Variants in HDAC9 observed in about 807,000 individuals in gnomAD.
The protein encoded by HDAC9 is histone deacetylase 9, also known as MEF-2 interacting transcription repressor (MITR) protein.
A neutral mutation model predicts 139.4 loss-of-function variants in HDAC9; 41 were observed. The ratio of observed to expected loss-of-function variants is 0.29; its 90% CI spans 0.23 to 0.38. The LOEUF (loss-of-function observed/expected upper bound fraction) is 0.38, where lower values mean the gene tolerates loss of function less well. HDAC9 is among the 10% of genes least tolerant of loss of function. The pLI is 1.00. For missense variants in HDAC9, 1,147 were observed against 1,297.0 expected, an observed-to-expected ratio of 0.88 and a Z score of 1.78; for synonymous variants, 517 against 476.2, an observed-to-expected ratio of 1.09 and a Z score of -1.12.
chr7:18,873,235 A>G (rs1442032784), intron 21 of HDAC9, among the ~76,000 whole-genome samples: 1 of 152,162 alleles, frequency 6.6e-6, no homozygotes, highest in Non-Finnish European at 1.5e-5. Flanking sequence ...GTGTATAGTA[A>G]ATAAAATTAG....
At chr7:18,614,153 A>AT (rs1025611046) in intron 6 of HDAC9, among the ~76,000 whole-genome samples, 10 of 151,638 alleles carry the variant, frequency 6.6e-5, no homozygotes, top group East Asian at 1.9e-4. Flanking sequence ...GACTGCCTTC[A>AT]TTTTTTTTCC....
intron 21 of HDAC9, among the ~76,000 whole-genome samples, chr7:18,866,747 T>G (rs1333250357): frequency 6.6e-6 from 1 of 152,206 alleles, no homozygotes; most frequent in Non-Finnish European, 1.5e-5. Flanking sequence ...GCCAAAGTTC[T>G]GGTCCTATGG....
intron 1 of HDAC9, among the ~76,000 whole-genome samples, chr7:18,478,293 G>C (rs1391488927): frequency 6.6e-6 from 1 of 152,036 alleles, no homozygotes; most frequent in Non-Finnish European, 1.5e-5. Context: ...GGATGGTCTT[G>C]ATCTCCTGAC....
intron 2 of HDAC9, among the ~76,000 whole-genome samples, chr7:18,544,446 G>A (rs192860060): frequency 6.6e-6 from 1 of 152,312 alleles, no homozygotes; most frequent in Admixed American, 6.5e-5. Context: ...GCATCAATGT[G>A]GAGATGTTGA....
intron 1 of HDAC9, among the ~76,000 whole-genome samples, chr7:18,381,805 G>T (rs1486582900): frequency 6.6e-6 from 1 of 151,916 alleles, no homozygotes; most frequent in Non-Finnish European, 1.5e-5. Context: ...CTTATTTCAG[G>T]GTTTGGCAGT....
At chr7:18,600,081 T>C (rs561643158) in intron 6 of HDAC9, among the ~76,000 whole-genome samples, 2 of 152,288 alleles carry the variant, frequency 1.3e-5, no homozygotes, top group South Asian at 4.1e-4. Flanking sequence ...TCTTTTCATA[T>C]GTCATTTGCT....
intron 2 of HDAC9, among the ~76,000 whole-genome samples, chr7:18,272,558 T>C (rs796738337): frequency 6.6e-6 from 1 of 152,108 alleles, no homozygotes; most frequent in South Asian, 2.1e-4. Flanking sequence ...ATGGAAGCTG[T>C]CTCTAACACT....
intron 8 of HDAC9, among the ~76,000 whole-genome samples, chr7:18,636,790 T>C (rs975139317): frequency 2.0e-5 from 3 of 152,132 alleles, no homozygotes; most frequent in African/African-American, 7.2e-5. Flanking sequence ...AGATAGCATC[T>C]TTTTGTTAGT....
At chr7:18,576,589 C>G (rs913098618) in intron 2 of HDAC9, among the ~76,000 whole-genome samples, 1 of 149,114 alleles carries the variant, frequency 6.7e-6, no homozygotes, top group African/African-American at 2.5e-5. Context: ...TTAAACCCGG[C>G]AGGCAGAGGT....
At chr7:18,779,407 G>A (rs557872776) in intron 16 of HDAC9, among the ~76,000 whole-genome samples, 22 of 152,060 alleles carry the variant, frequency 1.4e-4, no homozygotes, top group African/African-American at 4.3e-4. Flanking sequence ...AATATCAGAG[G>A]TTCTCAGACC....
chr7:18,478,627 T>G (rs893004933), intron 1 of HDAC9, among the ~76,000 whole-genome samples: 56 of 152,316 alleles, frequency 3.7e-4, no homozygotes, highest in African/African-American at 1.3e-3. Context: ...AGATTCAATT[T>G]AGGATTGTAC....
At chr7:18,843,563 T>C (rs1261434306) in intron 21 of HDAC9, among the ~76,000 whole-genome samples, 3 of 152,118 alleles carry the variant, frequency 2.0e-5, no homozygotes, top group Non-Finnish European at 4.4e-5. Flanking sequence ...CATTTACTGG[T>C]AAGATAAAGC....
At chr7:18,240,997 A>G (rs1212302826) in intron 2 of HDAC9, among the ~76,000 whole-genome samples, 1 of 152,178 alleles carries the variant, frequency 6.6e-6, no homozygotes, top group Non-Finnish European at 1.5e-5. Context: ...CTTCAGGTGT[A>G]TACAGAGTCC....
At chr7:18,590,670 C>G (rs12669760) in intron 4 of HDAC9, among the ~76,000 whole-genome samples, 184 bp downstream of exon 4, 24,731 of 152,202 alleles carry the variant, frequency 0.16, 2,542 homozygotes, top group Non-Finnish European at 0.22. Flanking sequence ...ATCATTGAGT[C>G]TGCAGAGCGT....
intron 8 of HDAC9, among the ~76,000 whole-genome samples, chr7:18,639,848 C>G (rs1785024455): frequency 6.6e-6 from 1 of 151,960 alleles, no homozygotes; most frequent in Non-Finnish European, 1.5e-5. Flanking sequence ...GGCAGAGGTG[C>G]TTCAGTCTCA....
At chr7:18,168,926 T>TGTGTGTGTGTGC (rs1407586998) in intron 2 of HDAC9, among the ~76,000 whole-genome samples, 7 of 129,972 alleles carry the variant, frequency 5.4e-5, no homozygotes, top group African/African-American at 2.1e-4. Flanking sequence ...TGTGTGTGTG[T>TGTGTGTGTGTGC]GCGCGCATGT....
intron 13 of HDAC9, among the ~76,000 whole-genome samples, chr7:18,732,958 T>TATATACAC (rs1171131185): frequency 3.0e-5 from 4 of 135,148 alleles, no homozygotes; most frequent in African/African-American, 1.4e-4. Flanking sequence ...CGTGTATGTG[T>TATATACAC]GTGTATGTGT....
intron 1 of HDAC9, among the ~76,000 whole-genome samples, chr7:18,108,724 C>T (rs756852111): frequency 2.3e-4 from 35 of 150,670 alleles, no homozygotes; most frequent in Admixed American, 1.3e-3. Flanking sequence ...CAGATTCAAG[C>T]GATTCTCCTG....
chr7:18,526,439 C>G (rs1336375864), intron 2 of HDAC9, among the ~76,000 whole-genome samples: 1 of 152,178 alleles, frequency 6.6e-6, no homozygotes, highest in Non-Finnish European at 1.5e-5. Flanking sequence ...TCAACTGACA[C>G]TGTGCCTTTA....
Sources: gnomAD v4.1 joint callset for allele counts (sites outside exome capture counted in the v4.1 genomes callset) on GRCh38, gnomAD v4.1.1 for gene constraint, MANE v1.5 for transcripts, NCBI Gene and HGNC (gene_info 2026-07-23, HGNC 2026-07-21) for gene names.